The following RBFOX1 variants were observed in gnomAD, a reference collection of about 807,000 sequenced individuals.
RBFOX1 encodes RNA binding protein fox-1 homolog 1.
RBFOX1 carries 8 observed loss-of-function variants against 57.7 expected under a neutral mutation model. That is an observed-to-expected ratio of 0.14 (90% confidence interval 0.08 to 0.25). The LOEUF is 0.25. Among genes scored for constraint, RBFOX1 ranks in the 10% least tolerant of loss-of-function variants. The pLI, the probability that RBFOX1 is intolerant of heterozygous loss-of-function variation, is 1.00. For synonymous variants in RBFOX1, 326 were observed against 222.4 expected (o/e 1.47, Z -4.15); for missense variants, 611 against 548.5 (o/e 1.11, Z -1.14).
At chr16:6,070,458 CA>C (rs2095822298) in intron 1 of RBFOX1, among the ~76,000 whole-genome samples, 1 of 152,132 alleles carries the variant, frequency 6.6e-6, no homozygotes, top group African/African-American at 2.4e-5. Flanking sequence ...AAGCATAGCC[CA>C]AACTTTCGTG....
chr16:6,492,511 G>T (rs906153705), intron 2 of RBFOX1, among the ~76,000 whole-genome samples: 1 of 152,230 alleles, frequency 6.6e-6, no homozygotes, highest in Non-Finnish European at 1.5e-5. Flanking sequence ...GGAGGTTGCA[G>T]TGAGCCGAGA....
At chr16:6,782,194 A>T (rs1045966722) in intron 3 of RBFOX1, among the ~76,000 whole-genome samples, 1 of 152,152 alleles carries the variant, frequency 6.6e-6, no homozygotes, top group African/African-American at 2.4e-5. Context: ...TTCAGTAGAT[A>T]CAGGGTTTCG....
intron 2 of RBFOX1, among the ~76,000 whole-genome samples, chr16:6,384,622 T>A (rs770698551): frequency 2.0e-5 from 3 of 152,204 alleles, no homozygotes; most frequent in Non-Finnish European, 4.4e-5. Flanking sequence ...TTCGTCTCCT[T>A]TTGCAATTAC....
intron 12 of RBFOX1, 135 bp from the exon 13 acceptor site, chr16:7,664,794 C>G: frequency 6.5e-7 from 1 of 1,535,416 alleles, no homozygotes; most frequent in Non-Finnish European, 8.9e-7. Flanking sequence ...CCTCCTTAAT[C>G]CAATGTGAAA....
intron 3 of RBFOX1, among the ~76,000 whole-genome samples, chr16:5,837,070 C>T (rs2056480202): frequency 1.3e-5 from 2 of 152,052 alleles, no homozygotes; most frequent in Admixed American, 1.3e-4. Context: ...TTTGGAGGTC[C>T]CTTCTTAGGG....
intron 4 of RBFOX1, among the ~76,000 whole-genome samples, chr16:5,941,849 G>C (rs1053173368): frequency 6.6e-6 from 1 of 152,014 alleles, no homozygotes; most frequent in Non-Finnish European, 1.5e-5. Flanking sequence ...CGTTAGTATG[G>C]ATGACGCAGT....
chr16:7,510,916 T>C (rs796088904), intron 4 of RBFOX1, among the ~76,000 whole-genome samples: 14 of 152,232 alleles, frequency 9.2e-5, no homozygotes, highest in African/African-American at 3.4e-4. Context: ...ATGTCTTCAT[T>C]ATAAGGGTTG....
At chr16:5,446,957 A>G (rs1443481255) in intron 1 of RBFOX1, among the ~76,000 whole-genome samples, 1 of 152,158 alleles carries the variant, frequency 6.6e-6, no homozygotes, top group East Asian at 1.9e-4. Flanking sequence ...CAACTCCCAC[A>G]CAGTCATCTT....
At chr16:6,988,346 T>A (rs1434237550) in intron 3 of RBFOX1, among the ~76,000 whole-genome samples, 3 of 152,196 alleles carry the variant, frequency 2.0e-5, no homozygotes, top group Non-Finnish European at 4.4e-5. Flanking sequence ...AATCTTACTG[T>A]CCACTGTAGT....
intron 3 of RBFOX1, among the ~76,000 whole-genome samples, chr16:6,760,781 A>G (rs1447714984): frequency 6.6e-6 from 1 of 152,208 alleles, no homozygotes; most frequent in Non-Finnish European, 1.5e-5. Flanking sequence ...GCAGTCACGT[A>G]TTTCACACAG....
At chr16:5,535,912 T>C (rs2044675229) in intron 2 of RBFOX1, among the ~76,000 whole-genome samples, 1 of 152,178 alleles carries the variant, frequency 6.6e-6, no homozygotes, top group African/African-American at 2.4e-5. Context: ...TCACACACTT[T>C]AATGCTTCAA....
chr16:5,320,119 A>G (rs188483914), intron 1 of RBFOX1, among the ~76,000 whole-genome samples: 4 of 152,322 alleles, frequency 2.6e-5, no homozygotes, highest in Non-Finnish European at 4.4e-5. Flanking sequence ...CACAGGTCCA[A>G]TAGGTGTGCC....
In RBFOX1 at chr16:5,660,810, C is replaced by T. The variant is rs938529438; in HGVS notation, c.318+61849C>T. Among the ~76,000 whole-genome samples the T allele has an allele frequency of 5.9e-5, 9 of 152,070 alleles. No homozygotes were observed. The South Asian group carries it at 6.3e-4, about 11-fold the overall frequency. On this transcript the variant is annotated intron_variant, in intron 3 of 19. Coordinates refer to the RBFOX1 transcript ENST00000641259. ...AAGCAGGCGGAGTGGTGAATGAGGG[C>T]GAAGAGTAGACAGGAAGAGATTCCT...
In RBFOX1 at chr16:6,111,957, A is replaced by G. The variant is rs570949806; in HGVS notation, c.-127+91965A>G. On this transcript the variant is annotated intron_variant, in intron 1 of 15. Coordinates refer to ENST00000550418, the MANE Select transcript of RBFOX1 (RefSeq NM_018723.4). ...TTTTGGACTTAAGAAACATATGCTA[A>G]AGGTGTGATTATTAAAGGATCGCTA... Among the ~76,000 whole-genome samples, 3 of 152,312 alleles carry G rather than the reference A, an allele frequency of 2.0e-5. No homozygotes were observed. The East Asian group carries it at 5.8e-4, about 29-fold the overall frequency.
intron 4 of RBFOX1, among the ~76,000 whole-genome samples, chr16:7,214,380 T>G (rs1264293319): frequency 1.3e-5 from 2 of 152,168 alleles, no homozygotes; most frequent in African/African-American, 4.8e-5. Flanking sequence ...GTGCTCAAGC[T>G]AAACACTTCT....
intron 3 of RBFOX1, among the ~76,000 whole-genome samples, chr16:5,786,068 G>C (rs2054491029): frequency 6.6e-6 from 1 of 152,056 alleles, no homozygotes; most frequent in Non-Finnish European, 1.5e-5. Context: ...TGGTCCTACT[G>C]CCCTTTGGAT....
intron 2 of RBFOX1, among the ~76,000 whole-genome samples, chr16:6,619,100 G>A (rs1424896545): frequency 6.6e-6 from 1 of 151,974 alleles, no homozygotes; most frequent in Non-Finnish European, 1.5e-5. Flanking sequence ...CAATTAAAAT[G>A]ACTTCCAGAC....
intron 2 of RBFOX1, among the ~76,000 whole-genome samples, chr16:6,425,463 T>C (rs2093898700): frequency 6.6e-6 from 1 of 152,244 alleles, no homozygotes; most frequent in African/African-American, 2.4e-5. Flanking sequence ...TCACCATTTC[T>C]GTGGGCTTGG....
chr16:7,096,250 A>G (rs1036223012), intron 4 of RBFOX1, among the ~76,000 whole-genome samples: 8 of 152,178 alleles, frequency 5.3e-5, no homozygotes, highest in African/African-American at 1.2e-4. Flanking sequence ...TTGCAGAGCT[A>G]AGTGGAGACT....
Sources: gnomAD v4.1 joint callset for allele counts (sites outside exome capture counted in the v4.1 genomes callset) on GRCh38, gnomAD v4.1.1 for gene constraint, MANE v1.5 for transcripts, NCBI Gene and HGNC (gene_info 2026-07-23, HGNC 2026-07-21) for gene names.